The following PIK3C2G variants were observed in gnomAD, a reference collection of about 807,000 sequenced individuals.
PIK3C2G encodes the protein phosphatidylinositol 3-kinase C2 domain-containing subunit gamma.
A neutral mutation model predicts 181.1 loss-of-function variants in PIK3C2G; 168 were observed. The ratio of observed to expected loss-of-function variants is 0.93; its 90% CI spans 0.82 to 1.05. PIK3C2G has a LOEUF of 1.05. PIK3C2G is among the 50% of genes least tolerant of loss of function. The pLI is 0.00. For missense variants in PIK3C2G, 1,869 were observed against 1,732.8 expected (o/e 1.08, Z -1.40); for synonymous variants, 573 against 592.2 (o/e 0.97, Z 0.47).
At chr12:18,350,387 A>C (rs1030521284) in intron 11 of PIK3C2G, among the ~76,000 whole-genome samples, 1 of 152,204 alleles carries the variant, frequency 6.6e-6, no homozygotes, top group African/African-American at 2.4e-5. Context: ...AAAATGCATA[A>C]TATGTACAGT....
At chr12:18,307,738 CTTCT>C (rs1229189327) in intron 5 of PIK3C2G, among the ~76,000 whole-genome samples, 1 of 151,846 alleles carries the variant, frequency 6.6e-6, no homozygotes, top group African/African-American at 2.4e-5. Flanking sequence ...AATTCCCACC[CTTCT>C]TTCTATTATT....
intron 5 of PIK3C2G, among the ~76,000 whole-genome samples, chr12:18,304,733 G>C (rs867049255): frequency 2.6e-5 from 4 of 152,254 alleles, no homozygotes; most frequent in Middle Eastern, 6.8e-3. Flanking sequence ...TATTGCTGGG[G>C]AAGAAGAGTC....
At chr12:18,706,778 T>A in the PIK3C2G span, among the ~76,000 whole-genome samples, 69 of 152,356 alleles carry the variant, frequency 4.5e-4, no homozygotes, top group African/African-American at 1.5e-3. Flanking sequence ...GTCTTTTTAA[T>A]GTATGAGTGT....
At position 18,535,953 on chromosome 12, in the gene PIK3C2G, T is replaced by C. The variant is rs1255337360; in HGVS notation, c.3324-2203T>C. On this transcript the variant is annotated intron_variant, in intron 24 of 32. Transcript: ENST00000538779. ...AAGGGGAACATCACACACCAGGGCC[T>C]GCTGTGGGGTGGGGGAAGAGGGGTA... Among the ~76,000 whole-genome samples the C allele has an allele frequency of 4.6e-5, 5 of 108,226 alleles. No individual in the cohort carries two copies. The East Asian group carries it at 2.2e-3, about 47-fold the overall frequency. 71.0% of individuals were successfully genotyped at this position (108,226 alleles called of 152,430 possible). A position where few individuals can be genotyped will look rare whatever the true frequency, so the allele number is the denominator to read the frequency against.
At chr12:18,280,470 A>T (rs1949164587) in intron 1 of PIK3C2G, among the ~76,000 whole-genome samples, 1 of 152,006 alleles carries the variant, frequency 6.6e-6, no homozygotes, top group Non-Finnish European at 1.5e-5. Flanking sequence ...AAGAAGTAGG[A>T]TGAGTGTCCA....
At chr12:18,377,496 A>G (rs1223038029) in intron 13 of PIK3C2G, among the ~76,000 whole-genome samples, 1 of 152,196 alleles carries the variant, frequency 6.6e-6, no homozygotes, top group Non-Finnish European at 1.5e-5. Flanking sequence ...CCCATAGCCC[A>G]GCCTAACTGA....
the PIK3C2G span, among the ~76,000 whole-genome samples, chr12:18,660,480 C>T: frequency 6.6e-6 from 1 of 152,072 alleles, no homozygotes; most frequent in South Asian, 2.1e-4. Context: ...TTCTCCTTTT[C>T]CCCTTTTGAG....
upstream of PIK3C2G, among the ~76,000 whole-genome samples, chr12:18,245,434 C>T (rs1420554538): frequency 6.6e-6 from 1 of 151,920 alleles, no homozygotes; most frequent in African/African-American, 2.4e-5. Context: ...AATATTTTTA[C>T]AGCATTCTGT....
chr12:18,543,722 CCTCT>C (rs751184824), intron 25 of PIK3C2G, among the ~76,000 whole-genome samples: 11 of 151,862 alleles, frequency 7.2e-5, no homozygotes, highest in African/African-American at 1.9e-4. Flanking sequence ...TTATTTCTGG[CCTCT>C]CTATTTTGTT....
chr12:18,377,327 G>A lies in PIK3C2G; in HGVS notation c.1881-4439G>A, dbSNP rs1056843449. Among the ~76,000 whole-genome samples, 52 of 152,156 alleles carry A rather than the reference G, an allele frequency of 3.4e-4. 1 individual carries two copies. Among genetic ancestry groups the A allele is most frequent in the Admixed American group, 7.2e-4 (11 of 15,274 alleles). On this transcript the variant is annotated intron_variant, in intron 13 of 32. Transcript: ENST00000538779. ...GCTTTTCTAGTCAATGAATTTATACGATATATTCAAATTAAAAATATTCTT... is the reference window on the plus strand; with the variant it reads ...GCTTTTCTAGTCAATGAATTTATACAATATATTCAAATTAAAAATATTCTT...
intron 31 of PIK3C2G, among the ~76,000 whole-genome samples, chr12:18,638,389 A>T (rs1346779822): frequency 3.9e-5 from 6 of 152,264 alleles, no homozygotes; most frequent in Non-Finnish European, 8.8e-5. Context: ...GGCTCATCAG[A>T]ATTTAGGAGC....
intron 30 of PIK3C2G, among the ~76,000 whole-genome samples, chr12:18,602,304 C>T (rs1383878971): frequency 1.3e-5 from 2 of 152,052 alleles, no homozygotes; most frequent in African/African-American, 4.8e-5. Context: ...TTGAGGCAGC[C>T]ATAATCCTCC....
Position 18,399,659 on chromosome 12 carries a change from ACT to A in PIK3C2G, c.2132_2133del (p.Ser711Ter), listed in dbSNP as rs1215563197. 1.3e-6 allele frequency: 2 copies of A among 1,535,160 alleles called. No individual in the cohort carries two copies. The highest frequency in any genetic ancestry group is 1.8e-6 in the Non-Finnish European group (2 of 1,130,126). ...RLSQKQTPLL[L>X]SEEKKRYLWF... Reference sequence around the variant, plus strand: ...TACAGTTTCCAATCTGGTTTTTCAGACTCTCTGAAGAAAAGAAAAGATATTTA... The same window carrying A: ...TACAGTTTCCAATCTGGTTTTTCAGACTCTGAAGAAAAGAAAAGATATTTA... On this transcript the variant is annotated frameshift_variant and splice_region_variant, in exon 16 of 33. Transcript: ENST00000538779. LOFTEE classifies it high-confidence loss of function.
intron 18 of PIK3C2G, among the ~76,000 whole-genome samples, chr12:18,471,074 T>C (rs919459103): frequency 2.6e-5 from 4 of 152,164 alleles, no homozygotes; most frequent in Non-Finnish European, 5.9e-5. Context: ...ACTATTTTTC[T>C]TCCCTCCAAT....
At chr12:18,513,879 T>C (rs1942367763) in intron 24 of PIK3C2G, among the ~76,000 whole-genome samples, 1 of 151,816 alleles carries the variant, frequency 6.6e-6, no homozygotes, top group African/African-American at 2.4e-5. Context: ...TTATTTCCTT[T>C]CATTTGCCAG....
rs57511860 is a variant in PIK3C2G at position 18,557,780 on chromosome 12, A to G, written c.3591-4923A>G. On this transcript the variant is annotated intron_variant, in intron 26 of 32. Coordinates refer to ENST00000538779, the MANE Select transcript of PIK3C2G (RefSeq NM_001288772.2). ...CATATATTATCAAATATGAATTAAA[A>G]GTTAGTACAAGATAGCATTTATGCC... is the stretch of plus-strand genomic sequence containing the variant. Among the ~76,000 whole-genome samples, 930 of 152,328 alleles carry G rather than the reference A, an allele frequency of 6.1e-3. 10 individuals are homozygous for G. Among genetic ancestry groups the G allele is most frequent in the African/African-American group, 0.022 (898 of 41,592 alleles).
Position 18,505,460 on chromosome 12 carries a change from A to C in PIK3C2G, c.3322A>C (p.Arg1108=). 1 of 1,610,576 alleles carries C rather than the reference A, an allele frequency of 6.2e-7. No individual in the cohort carries two copies. The highest frequency in any genetic ancestry group is 8.5e-7 in the Non-Finnish European group (1 of 1,177,768). ...GHAQTFGGIK[R]DRAPFIFTSE... The stretch of plus-strand genomic sequence containing the variant: ...TGCACAAACATTTGGAGGGATAAAA[A>C]GGTCAGTGCACAAATGTTTATTACA... The change falls in exon 24 of 33, where the codon AGG becomes CGG. Residue 1108 remains arginine (R), a splice_region_variant and synonymous_variant. Transcript: ENST00000538779.
chr12:18,685,219 C>T, the PIK3C2G span, among the ~76,000 whole-genome samples: 2 of 151,940 alleles, frequency 1.3e-5, no homozygotes, highest in African/African-American at 4.8e-5. Flanking sequence ...TTTCAAAGTC[C>T]AAAGTTGATG....
chr12:18,590,303 G>C (rs959808703), intron 29 of PIK3C2G, among the ~76,000 whole-genome samples: 2 of 151,752 alleles, frequency 1.3e-5, no homozygotes, highest in African/African-American at 4.8e-5. Context: ...CATACTTTCC[G>C]AACACCTCAT....
Sources: allele counts gnomAD v4.1 joint callset (sites outside exome capture counted in the v4.1 genomes callset), GRCh38; gene constraint gnomAD v4.1.1; transcripts MANE v1.5; gene names NCBI Gene and HGNC (gene_info 2026-07-23, HGNC 2026-07-21).